The following C10orf90 variants were observed in gnomAD, a reference collection of about 807,000 sequenced individuals.
The protein encoded by C10orf90 is (E2-independent) E3 ubiquitin-conjugating enzyme FATS.
C10orf90 carries 56 observed loss-of-function variants against 62.5 expected under a neutral mutation model. That is an observed-to-expected ratio of 0.90 (90% CI 0.72 to 1.12). The LOEUF is 1.12. Among genes scored for constraint, C10orf90 ranks in the 50% most tolerant of loss-of-function variants. The pLI is 0.00. For synonymous variants in C10orf90, 386 were observed against 340.4 expected, an observed-to-expected ratio of 1.13 and a Z score of -1.47; for missense variants, 970 against 880.4, an observed-to-expected ratio of 1.10 and a Z score of -1.29.
chr10:126,533,954 A>G (rs896954311), intron 2 of C10orf90, among the ~76,000 whole-genome samples: 1 of 152,178 alleles, frequency 6.6e-6, no homozygotes, highest in Admixed American at 6.5e-5. Context: ...GCACCTTGCC[A>G]CTGAGACCAG....
intron 2 of C10orf90, among the ~76,000 whole-genome samples, chr10:126,618,041 G>A (rs950713965): frequency 9.2e-5 from 14 of 152,210 alleles, no homozygotes; most frequent in Non-Finnish European, 1.5e-4. Flanking sequence ...CCTCAGGAGG[G>A]ATAGAAAATG....
intron 4 of C10orf90, among the ~76,000 whole-genome samples, chr10:126,498,689 C>A (rs1226224742): frequency 2.0e-5 from 3 of 152,216 alleles, no homozygotes; most frequent in African/African-American, 7.2e-5. Flanking sequence ...CGGCGATCCA[C>A]CCTATAGGAA....
At chr10:126,609,934 T>C (rs773939197) in intron 2 of C10orf90, among the ~76,000 whole-genome samples, 8 of 152,178 alleles carry the variant, frequency 5.3e-5, no homozygotes, top group Admixed American at 3.9e-4. Context: ...CTTGCCTGGG[T>C]AGACCTATTA....
intron 2 of C10orf90, among the ~76,000 whole-genome samples, chr10:126,565,437 T>TACAC (rs71032507): frequency 1.4e-5 from 1 of 72,444 alleles, no homozygotes; most frequent in Admixed American, 2.3e-4. Context: ...ATATATATTA[T>TACAC]ACACACACAC....
intron 4 of C10orf90, among the ~76,000 whole-genome samples, chr10:126,471,750 C>G (rs912921483): frequency 6.6e-6 from 1 of 152,128 alleles, no homozygotes; most frequent in Admixed American, 6.6e-5. Flanking sequence ...ATATATATAT[C>G]TACCCACACA....
chr10:126,513,199 C>T (rs952898208), intron 3 of C10orf90, among the ~76,000 whole-genome samples: 2 of 152,148 alleles, frequency 1.3e-5, no homozygotes, highest in African/African-American at 4.8e-5. Flanking sequence ...TCCTTTAGAG[C>T]AAGCTAAGTA....
intron 4 of C10orf90, among the ~76,000 whole-genome samples, chr10:126,491,375 A>C (rs1861763144): frequency 6.6e-6 from 1 of 152,246 alleles, no homozygotes; most frequent in South Asian, 2.1e-4. Context: ...ATCTATATCT[A>C]ATTGTGGTTA....
At chr10:126,625,474 C>T (rs1015077720) in intron 2 of C10orf90, among the ~76,000 whole-genome samples, 1 of 152,128 alleles carries the variant, frequency 6.6e-6, no homozygotes, top group African/African-American at 2.4e-5. Flanking sequence ...TGTATCCTGC[C>T]GAACTTCCTT....
At chr10:126,605,288 T>C (rs1845283479) in intron 2 of C10orf90, among the ~76,000 whole-genome samples, 1 of 150,840 alleles carries the variant, frequency 6.6e-6, no homozygotes, top group Non-Finnish European at 1.5e-5. Context: ...GGGATTTCTC[T>C]GACTCCAGCG....
intron 2 of C10orf90, among the ~76,000 whole-genome samples, chr10:126,582,453 G>A (rs6597781): frequency 0.58 from 88,744 of 152,066 alleles, 26,169 homozygotes; most frequent in Middle Eastern, 0.65. Context: ...TGGAAAACAA[G>A]GAGGGTGGAT....
chr10:126,633,816 C>T (rs1845897577), intron 2 of C10orf90, among the ~76,000 whole-genome samples: 2 of 152,194 alleles, frequency 1.3e-5, no homozygotes, highest in Non-Finnish European at 2.9e-5. Context: ...CACCTGTAAG[C>T]ATCTGTATCT....
At chr10:126,605,239 C>T (rs1198737679) in intron 2 of C10orf90, among the ~76,000 whole-genome samples, 2 of 152,318 alleles carry the variant, frequency 1.3e-5, no homozygotes, top group Non-Finnish European at 1.5e-5. Context: ...GGGGCGTGTG[C>T]TTTGGTGCGC....
At position 126,565,022 on chromosome 10, in the gene C10orf90, TATATA is replaced by T. The variant is rs1844299726; in HGVS notation, c.314-51088_314-51084del. ...TATATATAATATATATAATATATATTATATATTATATAAAATATATAATATATAAT... is the reference window on the plus strand; with the variant it reads ...TATATATAATATATATAATATATATTTTATATAAAATATATAATATATAAT... On this transcript the variant is annotated intron_variant, in intron 2 of 9. Coordinates refer to ENST00000488181, the MANE Select transcript of C10orf90 (RefSeq NM_001350921.2). 1.1e-3 allele frequency among the ~76,000 whole-genome samples: 16 copies of T among 14,816 alleles called. 3 individuals carry two copies. Among genetic ancestry groups the T allele is most frequent in the Admixed American group, 2.9e-3 (2 of 680 alleles). 9.7% of individuals were successfully genotyped at this position (14,816 alleles called of 152,430 possible).
chr10:126,533,108 G>A (rs1864148504), intron 2 of C10orf90, among the ~76,000 whole-genome samples: 2 of 151,386 alleles, frequency 1.3e-5, no homozygotes, highest in East Asian at 4.0e-4. Flanking sequence ...AATGTTTTTT[G>A]TATTTTTAGT....
At chr10:126,565,866 A>G (rs1484908349) in intron 2 of C10orf90, among the ~76,000 whole-genome samples, 1 of 152,184 alleles carries the variant, frequency 6.6e-6, no homozygotes, top group Non-Finnish European at 1.5e-5. Context: ...GCTGTGCTGC[A>G]CATGCAAGCA....
chr10:126,434,083 T>G lies in C10orf90; in HGVS notation c.2189-4233A>C, dbSNP rs113568817. ...TACAGTGTCTATTGCTAATTTAACT[T>G]GGTAAGGCCAGACTTCCTCAAGCCC... On this transcript the variant is annotated intron_variant, in intron 7 of 9. Coordinates refer to ENST00000488181, the MANE Select transcript of C10orf90 (RefSeq NM_001350921.2). Among the ~76,000 whole-genome samples the G allele has an allele frequency of 1.9e-4, 29 of 152,316 alleles. 1 individual carries two copies. Among genetic ancestry groups the G allele is most frequent in the African/African-American group, 6.5e-4 (27 of 41,560 alleles).
At chr10:126,522,577 C>T (rs1360659693) in intron 2 of C10orf90, 1 of 152,164 alleles carries the variant, frequency 6.6e-6, no homozygotes, top group African/African-American at 2.4e-5. Flanking sequence ...ATGGCTAAAA[C>T]GCATTGCACG....
intron 7 of C10orf90, among the ~76,000 whole-genome samples, chr10:126,440,838 G>A (rs569466875): frequency 6.6e-6 from 1 of 152,146 alleles, no homozygotes; most frequent in Admixed American, 6.5e-5. Context: ...ATAGGAAAAG[G>A]GGGAGAGTAC....
intron 4 of C10orf90, among the ~76,000 whole-genome samples, chr10:126,478,086 G>A (rs1370043751): frequency 1.3e-5 from 2 of 152,196 alleles, no homozygotes; most frequent in African/African-American, 4.8e-5. Flanking sequence ...TGGAATACAG[G>A]CCCTTGGAAT....
Sources: gnomAD v4.1 joint callset for allele counts (sites outside exome capture counted in the v4.1 genomes callset) on GRCh38, gnomAD v4.1.1 for gene constraint, MANE v1.5 for transcripts, NCBI Gene and HGNC (gene_info 2026-07-23, HGNC 2026-07-21) for gene names.